The following SVEP1 variants were observed in gnomAD, a reference collection of about 807,000 sequenced individuals.
The protein encoded by SVEP1 is sushi, von Willebrand factor type A, EGF and pentraxin domain-containing protein 1.
Under a neutral mutation model 367.3 loss-of-function variants are expected in SVEP1, and 164 were observed. The ratio of observed to expected loss-of-function variants is 0.45; its 90% CI spans 0.39 to 0.51. The LOEUF is 0.51. Ranked by LOEUF, SVEP1 falls within the 20% of genes least tolerant of loss-of-function variation. The probability of loss-of-function intolerance (pLI) is 0.00; values close to 1 mark genes in which losing one functional copy is unlikely to be tolerated. For missense variants in SVEP1, 4,117 were observed against 4,425.3 expected (o/e 0.93, Z 1.98); for synonymous variants, 1,666 against 1,611.6 (o/e 1.03, Z -0.81).
At chr9:110,411,856 T>C in intron 36 of SVEP1, 121 bp from the exon 37 acceptor site, 1 of 965,398 alleles carries the variant, frequency 1.0e-6, no homozygotes, top group Non-Finnish European at 1.5e-6. Flanking sequence ...TAAAATAATA[T>C]TTCCTCTTTG....
At chr9:110,393,894 G>A (rs958364027) in intron 40 of SVEP1, among the ~76,000 whole-genome samples, 3 of 152,226 alleles carry the variant, frequency 2.0e-5, no homozygotes, top group African/African-American at 7.2e-5. Context: ...CACAGCTCAA[G>A]GAGGCATGCC....
intron 40 of SVEP1, among the ~76,000 whole-genome samples, chr9:110,397,398 G>C (rs1443142068): frequency 1.3e-5 from 2 of 152,016 alleles, no homozygotes; most frequent in African/African-American, 4.8e-5. Flanking sequence ...TACTGAATGG[G>C]CAAAAACTGG....
At position 110,450,272 on chromosome 9, in the gene SVEP1, G is replaced by C. The variant is rs756191977; in HGVS notation, c.3902-12C>G. ...TTCACAATGCAGGCCTGAGGATGGA[G>C]AAGGAAGAGAAACAGCCCAAATGAT... On this transcript the variant is annotated splice_polypyrimidine_tract_variant and intron_variant, in intron 23 of 47. Transcript: ENST00000374469. The C allele has an allele frequency of 2.5e-6, 4 of 1,613,164 alleles. No homozygotes were observed. The African/African-American group carries it at 5.3e-5, about 22-fold the overall frequency.
At chr9:110,462,553 C>T (rs1052969028) in intron 18 of SVEP1, among the ~76,000 whole-genome samples, 10 of 149,622 alleles carry the variant, frequency 6.7e-5, no homozygotes, top group African/African-American at 9.9e-5. Flanking sequence ...TAATACAATA[C>T]TAAACATGTA....
In SVEP1 at chr9:110,434,247, A is replaced by G. The variant is rs561011930; in HGVS notation, c.5059+89T>C. 5.7e-5 allele frequency: 78 copies of G among 1,368,434 alleles called. No homozygotes were observed. The South Asian group carries it at 9.6e-4, about 17-fold the overall frequency. 84.8% of individuals were successfully genotyped at this position (1,368,434 alleles called of 1,614,324 possible). The stretch of plus-strand genomic sequence containing the variant: ...TTTGGTATATTTGCTACTGTGAAGT[A>G]TTCACTCTTTGTCTAGCATTCCTGA... On this transcript the variant is annotated intron_variant, in intron 30 of 47. Coordinates refer to ENST00000374469, the MANE Select transcript of SVEP1 (RefSeq NM_153366.4).
At chr9:110,448,136 TGTGTGTGTGTGTGCGC>T (rs1411291386) in intron 24 of SVEP1, among the ~76,000 whole-genome samples, 2 of 70,102 alleles carry the variant, frequency 2.9e-5, no homozygotes, top group African/African-American at 5.9e-5. Context: ...TGAATGTGTG[TGTGTGTGTGTGTGCGC>T]GTGTGTGTGT....
At position 110,385,879 on chromosome 9, in the gene SVEP1, CT is replaced by C; in HGVS notation, c.10237+18del. ...ATTTCGCACTAGCGGCATGAACTGG[CT>C]TCCGCCTGCTGACTTACTTTCACAT... On this transcript the variant is annotated intron_variant, in intron 43 of 47. Coordinates refer to ENST00000374469, the MANE Select transcript of SVEP1 (RefSeq NM_153366.4). 6.2e-7 allele frequency: 1 copy of C among 1,608,462 alleles called. No homozygotes were observed. The highest frequency in any genetic ancestry group is 1.1e-5 in the South Asian group (1 of 89,970).
In SVEP1 at chr9:110,455,611, C is replaced by T. The variant is rs780022082; in HGVS notation, c.3766G>A (p.Glu1256Lys). The change falls in exon 22 of 48, where the codon GAG becomes AAG. Residue 1256 changes from glutamate (E) to lysine (K), a missense_variant. Glu to Lys is a moderately conservative substitution (Grantham distance 56). Transcript: ENST00000374469. Reference sequence around the variant, plus strand: ...TTACCTGTGTAACCTGATGGGCACTCACAAATGAATTCCCCAACTAGGTCT... The same window carrying T: ...TTACCTGTGTAACCTGATGGGCACTTACAAATGAATTCCCCAACTAGGTCT... Reference protein sequence around the residue: ...CKDLVGEFICECPSGYTGQRC... With the variant: ...CKDLVGEFICKCPSGYTGQRC... 14 of 1,613,462 alleles carry T rather than the reference C, an allele frequency of 8.7e-6. No individual in the cohort carries two copies. Among genetic ancestry groups the T allele is most frequent in the Non-Finnish European group, 1.2e-5 (14 of 1,179,642 alleles).
rs763063788 is a variant in SVEP1, at chr9:110,400,964, G to T, written c.9712C>A (p.Pro3238Thr). 4 of 1,613,878 alleles carry T rather than the reference G, an allele frequency of 2.5e-6. No individual in the cohort carries two copies. The Admixed American group carries it at 6.7e-5, about 27-fold the overall frequency. Reference protein sequence around the residue: ...EPPFSDESCSPVSCGKPESPE... With the variant: ...EPPFSDESCSTVSCGKPESPE... ...CTTTCAGGTTTCCCACAAGAAACTG[G>T]ACTGCAAGATTCATCGGAGAATGGT... Residue 3238 changes from proline (P) to threonine (T), a missense_variant, in exon 40 of 48, where the codon CCA (proline) becomes ACA (threonine). Physicochemically the swap from Pro to Thr is conservative, Grantham distance 38. Coordinates refer to ENST00000374469, the MANE Select transcript of SVEP1 (RefSeq NM_153366.4).
chr9:110,400,726 A>G (rs1827845757), intron 40 of SVEP1, 128 bp downstream of exon 40: 1 of 1,056,444 alleles, frequency 9.5e-7, no homozygotes, highest in Non-Finnish European at 1.3e-6. Context: ...GTTAGAGTAT[A>G]AGGGAACAAA....
intron 3 of SVEP1, among the ~76,000 whole-genome samples, chr9:110,541,264 T>G (rs1018978688): frequency 4.2e-4 from 8 of 18,928 alleles, no homozygotes; most frequent in African/African-American, 3.3e-3. Flanking sequence ...TTTGTCTGTT[T>G]TATTATTATT....
intron 3 of SVEP1, among the ~76,000 whole-genome samples, chr9:110,515,241 T>C (rs901760881): frequency 6.6e-6 from 1 of 152,010 alleles, no homozygotes; most frequent in African/African-American, 2.4e-5. Context: ...TAGTCCCAGG[T>C]TGCATTTCAT....
chr9:110,370,058 C>A lies in SVEP1; in HGVS notation c.10601-42G>T, dbSNP rs1180399251. ...ATGCATTTATTTAATTAATACTTAG[C>A]AATTCTGATGATATCCATAAAGGCA... On this transcript the variant is annotated intron_variant, in intron 46 of 47. Transcript: ENST00000374469. 1.9e-6 allele frequency: 3 copies of A among 1,561,490 alleles called. No individual in the cohort carries two copies. In the Admixed American group the frequency reaches 5.3e-5, roughly 28 times the overall value.
rs147546940 is a variant in SVEP1 at position 110,554,727 on chromosome 9, CGT to C, written c.532-4625_532-4624del. ...ACATTTATGTGTATGTATAGATGTGCGTGTGTGTGTGTGTGTGTGTGTGTGTA... is the reference window on the plus strand; with the variant it reads ...ACATTTATGTGTATGTATAGATGTGCGTGTGTGTGTGTGTGTGTGTGTGTA... On this transcript the variant is annotated intron_variant, in intron 1 of 47. Transcript: ENST00000374469. Among the ~76,000 whole-genome samples the C allele has an allele frequency of 2.0e-3, 301 of 148,458 alleles. 1 individual carries two copies. The highest frequency in any genetic ancestry group is 7.5e-3 in the East Asian group (38 of 5,052).
intron 18 of SVEP1, among the ~76,000 whole-genome samples, chr9:110,463,400 G>C (rs891398140): frequency 6.6e-6 from 1 of 151,978 alleles, no homozygotes; most frequent in Non-Finnish European, 1.5e-5. Flanking sequence ...AATATACTTT[G>C]TGATACTTAA....
intron 27 of SVEP1, 137 bp downstream of exon 27, chr9:110,443,408 A>T: frequency 1.2e-6 from 1 of 803,804 alleles, no homozygotes; most frequent in Non-Finnish European, 1.8e-6. Context: ...TAGGATAATC[A>T]GGGAGTAGGA....
chr9:110,406,514 C>T lies in SVEP1; in HGVS notation c.9086G>A (p.Arg3029Gln), dbSNP rs754622811. The T allele has an allele frequency of 3.1e-5, 50 of 1,613,536 alleles. No homozygotes were observed. The highest frequency in any genetic ancestry group is 1.7e-4 in the Admixed American group (10 of 59,978). Residue 3029 changes from arginine (R) to glutamine (Q), a missense_variant, in exon 38 of 48, where the codon CGG (arginine) becomes CAG (glutamine). Arg to Gln is a conservative substitution (Grantham distance 43). Coordinates refer to ENST00000374469, the MANE Select transcript of SVEP1 (RefSeq NM_153366.4). ...CTTGAAGCCTTTGAAGCACTGAATC[C>T]GGGCTGCCTTTCCACAGTCAAAATC... ...GTDFDCGKAA[R>Q]IQCFKGFKLL...
At position 110,455,101 on chromosome 9, in the gene SVEP1, C is replaced by A. The variant is rs182622558; in HGVS notation, c.3787+489G>T. Among the ~76,000 whole-genome samples the A allele has an allele frequency of 2.6e-5, 4 of 152,210 alleles. No individual in the cohort carries two copies. The East Asian group carries it at 7.7e-4, about 29-fold the overall frequency. On this transcript the variant is annotated intron_variant, in intron 22 of 47. Transcript: ENST00000374469. ...TTTCAAGGATACATGCGCCTGAAGT[C>A]CACAGTTAGTAATAATTATACACAC... is the stretch of plus-strand genomic sequence containing the variant.
At chr9:110,377,230 A>T in intron 45 of SVEP1, 41 bp downstream of exon 45, 1 of 1,589,450 alleles carries the variant, frequency 6.3e-7, no homozygotes, top group South Asian at 1.1e-5. Flanking sequence ...GCATCCAGGC[A>T]ATTTGTCAGG....
Sources: gnomAD v4.1 joint callset for allele counts (sites outside exome capture counted in the v4.1 genomes callset) on GRCh38, gnomAD v4.1.1 for gene constraint, MANE v1.5 for transcripts, NCBI Gene and HGNC (gene_info 2026-07-23, HGNC 2026-07-21) for gene names.